Variants in BMPR2 observed in about 807,000 individuals in gnomAD.
BMPR2 encodes bone morphogenetic protein receptor type-2.
In BMPR2, 29 loss-of-function variants were observed where a neutral mutation model predicts 100.8. That is an observed-to-expected ratio of 0.29 (90% CI 0.21 to 0.39). BMPR2 has a LOEUF of 0.39. Among genes scored for constraint, BMPR2 ranks in the 10% least tolerant of loss-of-function variants. BMPR2 has a pLI of 1.00. For missense variants in BMPR2, 1,011 were observed against 1,274.5 expected (o/e 0.79, Z 3.15); for synonymous variants, 382 against 442.3 (o/e 0.86, Z 1.71).
intron 5 of BMPR2, among the ~76,000 whole-genome samples, chr2:202,517,440 C>T (rs1687733331): frequency 6.6e-6 from 1 of 151,430 alleles, no homozygotes. Flanking sequence ...CCAGCCTCAG[C>T]CTCTATGTAG....
intron 1 of BMPR2, among the ~76,000 whole-genome samples, chr2:202,408,659 G>A (rs929293740): frequency 6.6e-6 from 1 of 152,190 alleles, no homozygotes; most frequent in Non-Finnish European, 1.5e-5. Flanking sequence ...GTAAGCATTA[G>A]TATTAATTAC....
rs183518211 is a variant in BMPR2 at position 202,555,379 on chromosome 2, A to G, written c.1714A>G (p.Met572Val). The G allele has an allele frequency of 1.9e-6, 3 of 1,614,066 alleles. No individual in the cohort carries two copies. Among genetic ancestry groups the G allele is most frequent in the South Asian group, 2.2e-5 (2 of 91,096 alleles). The change falls in exon 12 of 13, where the codon ATG (methionine) becomes GTG (valine). Residue 572 changes from methionine to valine, a missense_variant. Around this residue, in one of 6 missense-constraint regions of BMPR2, gnomAD observed 508 missense variants for 552.0 expected, o/e 0.92. Coordinates refer to ENST00000374580, the MANE Select transcript of BMPR2 (RefSeq NM_001204.7). ...GAAGAATATTTCCTCTGAGCATTCT[A>G]TGTCCAGCACACCTTTGACTATAGG... ...IVKNISSEHSMSSTPLTIGEK... is the reference protein window; with the variant it reads ...IVKNISSEHSVSSTPLTIGEK...
In BMPR2 at chr2:202,503,607, C is replaced by T. The variant is rs1687454378; in HGVS notation, c.419-10112C>T. ...TCACTGGGTCTTAGCTGCCTTCCCA[C>T]AGGGCAGGGCTCGGGACCTGCAGCC... is the stretch of plus-strand genomic sequence containing the variant. On this transcript the variant is annotated intron_variant, in intron 3 of 12. Transcript: ENST00000374580. This position sits in a 1 kb window ranked among gnomAD's most constrained non-coding sequence, Gnocchi z 4.0. 6.6e-6 allele frequency among the ~76,000 whole-genome samples: 1 copy of T among 152,242 alleles called. No homozygotes were observed. The highest frequency in any genetic ancestry group is 1.5e-5 in the Non-Finnish European group (1 of 68,030).
chr2:202,540,830 T>C (rs1204353835), intron 9 of BMPR2, among the ~76,000 whole-genome samples: 1 of 152,176 alleles, frequency 6.6e-6, no homozygotes, highest in Non-Finnish European at 1.5e-5. Flanking sequence ...CTAAATGCCT[T>C]ATCCTCTGTC....
intron 1 of BMPR2, among the ~76,000 whole-genome samples, chr2:202,399,978 G>A (rs1690737025): frequency 6.6e-6 from 1 of 152,094 alleles, no homozygotes; most frequent in African/African-American, 2.4e-5. Context: ...GGGTGTGATG[G>A]CACTCACCTG....
At chr2:202,458,483 T>G (rs1435723387) in intron 1 of BMPR2, among the ~76,000 whole-genome samples, 2 of 151,986 alleles carry the variant, frequency 1.3e-5, no homozygotes, top group African/African-American at 2.4e-5. Context: ...AAAAATTTTT[T>G]TTTTTAAATT....
chr2:202,548,507 T>G (rs1202562818), intron 10 of BMPR2, among the ~76,000 whole-genome samples: 5 of 152,192 alleles, frequency 3.3e-5, no homozygotes, highest in Non-Finnish European at 5.9e-5. Flanking sequence ...GTATAATACT[T>G]AACCTTACCA....
At chr2:202,452,609 C>T (rs1475254201) in intron 1 of BMPR2, among the ~76,000 whole-genome samples, 1 of 152,096 alleles carries the variant, frequency 6.6e-6, no homozygotes, top group Admixed American at 6.5e-5. Context: ...ATAGCAAGAC[C>T]CTGTCTCTTA....
In BMPR2 at chr2:202,514,984, GT is replaced by G; in HGVS notation, c.621+8del. ...GATAATCTGAAACTGTTGGAGGTAA[GT>G]TTGCCGTTAGATTATGGACTGTTGT... On this transcript the variant is annotated splice_donor_region_variant and intron_variant, in intron 5 of 12. Transcript: ENST00000374580. 1 of 1,613,638 alleles carries G rather than the reference GT, an allele frequency of 6.2e-7. No homozygotes were observed. Among genetic ancestry groups the G allele is most frequent in the East Asian group, 2.2e-5 (1 of 44,862 alleles).
In BMPR2 at chr2:202,541,259, G is replaced by A. The variant is rs1382974026; in HGVS notation, c.1277-1052G>A. On this transcript the variant is annotated intron_variant, in intron 9 of 12. Transcript: ENST00000374580. ...AGTATGAGACCAGCCTGGGCAACAC[G>A]GCAAGACCTTATCTCTACAAAAATA... 2.6e-5 allele frequency among the ~76,000 whole-genome samples: 4 copies of A among 151,716 alleles called. No individual in the cohort carries two copies. In the East Asian group the frequency reaches 5.8e-4, roughly 22 times the overall value.
chr2:202,439,954 T>C (rs946252471), intron 1 of BMPR2, among the ~76,000 whole-genome samples: 13 of 150,188 alleles, frequency 8.7e-5, no homozygotes, highest in Non-Finnish European at 1.5e-4. Flanking sequence ...AGCATCTGTT[T>C]AACAAAGCAC....
In BMPR2 at chr2:202,532,775, A is replaced by G. The variant is rs1164110626; in HGVS notation, c.1276+43A>G. ...AAGTTGATATTTTTTGAAGTGAAGC[A>G]GTTATATCTTCTTTCTCTACCTATA... On this transcript the variant is annotated intron_variant, in intron 9 of 12. Coordinates refer to ENST00000374580, the MANE Select transcript of BMPR2 (RefSeq NM_001204.7). The surrounding 1 kb of genome is among the most constrained non-coding windows in gnomAD (Gnocchi z 4.1). The G allele has an allele frequency of 6.3e-6, 10 of 1,592,880 alleles. No individual in the cohort carries two copies. The highest frequency in any genetic ancestry group is 2.2e-5 in the East Asian group (1 of 44,740).
At chr2:202,382,058 G>GTTTTTTTTTTTTTT (rs1216592236) in intron 1 of BMPR2, among the ~76,000 whole-genome samples, 3 of 113,638 alleles carry the variant, frequency 2.6e-5, no homozygotes, top group East Asian at 2.5e-4. Context: ...TTTTGTTTTT[G>GTTTTTTTTTTTTTT]TTTTTTTTTT....
At chr2:202,468,619 CATTG>C (rs1474756127) in intron 3 of BMPR2, among the ~76,000 whole-genome samples, 1 of 152,184 alleles carries the variant, frequency 6.6e-6, no homozygotes, top group Non-Finnish European at 1.5e-5. Context: ...TATACATAGA[CATTG>C]AGTTGTTTAC....
rs754018410 is a variant in BMPR2 at position 202,532,569 on chromosome 2, C to A, written c.1129-16C>A. 1.2e-6 allele frequency: 2 copies of A among 1,613,030 alleles called. No individual in the cohort carries two copies. Among genetic ancestry groups the A allele is most frequent in the Non-Finnish European group, 1.7e-6 (2 of 1,179,290 alleles). ...GCTACGTTCTCTCTCTAAAAAATAT[C>A]ACTCTAATTTATCAGGTTGGCACTA... On this transcript the variant is annotated splice_polypyrimidine_tract_variant and intron_variant, in intron 8 of 12. Transcript: ENST00000374580. The surrounding 1 kb of genome is among the most constrained non-coding windows in gnomAD (Gnocchi z 4.1).
chr2:202,419,851 A>G (rs1691221997), intron 1 of BMPR2, among the ~76,000 whole-genome samples: 1 of 152,210 alleles, frequency 6.6e-6, no homozygotes, highest in South Asian at 2.1e-4. Flanking sequence ...AAAAAAGGTT[A>G]TTAAAAACCC....
At chr2:202,465,609 A>G (rs1237717202) in intron 2 of BMPR2, among the ~76,000 whole-genome samples, 1 of 152,204 alleles carries the variant, frequency 6.6e-6, no homozygotes, top group Non-Finnish European at 1.5e-5. Flanking sequence ...CTGTAATCCC[A>G]GCACTTTGGG....
chr2:202,385,803 A>G (rs563019517), intron 1 of BMPR2, among the ~76,000 whole-genome samples: 1 of 151,870 alleles, frequency 6.6e-6, no homozygotes. Context: ...ATTGTGTGAT[A>G]TTCCATTGAG....
intron 3 of BMPR2, among the ~76,000 whole-genome samples, chr2:202,483,599 A>G (rs1692707397): frequency 6.6e-6 from 1 of 152,022 alleles, no homozygotes; most frequent in Non-Finnish European, 1.5e-5. Context: ...GGGTTTTGCC[A>G]TGTTGGCTAG....
Sources: allele counts gnomAD v4.1 joint callset (sites outside exome capture counted in the v4.1 genomes callset), GRCh38; gene constraint gnomAD v4.1.1; regional missense constraint gnomAD v4.1.1; non-coding constraint Gnocchi (gnomAD v3.1); transcripts MANE v1.5; gene names NCBI Gene and HGNC (gene_info 2026-07-23, HGNC 2026-07-21).